The following PSMD14 variants were observed in gnomAD, a reference collection of about 807,000 sequenced individuals.
The protein encoded by PSMD14 is proteasome 26S subunit, non-ATPase 14.
A neutral mutation model predicts 41.2 loss-of-function variants in PSMD14; 7 were observed. The ratio of observed to expected loss-of-function variants is 0.17; its 90% CI spans 0.10 to 0.32. The LOEUF (loss-of-function observed/expected upper bound fraction) is 0.32, where lower values mean the gene tolerates loss of function less well. PSMD14 is among the 10% of genes least tolerant of loss of function. The pLI is 1.00. For missense variants in PSMD14, 139 were observed against 375.6 expected, an observed-to-expected ratio of 0.37 and a Z score of 5.21; for synonymous variants, 114 against 122.3, an observed-to-expected ratio of 0.93 and a Z score of 0.45.
chr2:161,367,071 C>T (rs550406986), intron 3 of PSMD14, among the ~76,000 whole-genome samples: 5 of 152,278 alleles, frequency 3.3e-5, no homozygotes, highest in Admixed American at 2.6e-4. Flanking sequence ...GATGAATTTG[C>T]AGAGGAATCC....
intron 3 of PSMD14, chr2:161,340,872 T>C (rs1000542191): frequency 2.5e-6 from 4 of 1,613,850 alleles, no homozygotes; most frequent in Non-Finnish European, 3.4e-6. Flanking sequence ...CTTCTCGTAC[T>C]GGTTTCCCCT....
rs571819819 is a variant in PSMD14, at chr2:161,335,324, T to C, written c.48+16451T>C. Reference sequence around the variant, plus strand: ...TGGAACTTTCTGTGGGTTGGAAATATATTATATTTAGCTGCCCAGTATGGC... The same window carrying C: ...TGGAACTTTCTGTGGGTTGGAAATACATTATATTTAGCTGCCCAGTATGGC... On this transcript the variant is annotated intron_variant, in intron 3 of 11. Transcript: ENST00000409682. Among the ~76,000 whole-genome samples the C allele has an allele frequency of 2.7e-4, 41 of 151,458 alleles. 1 individual carries two copies. The highest frequency in any genetic ancestry group is 2.4e-5 in the African/African-American group (1 of 41,446).
At chr2:161,364,842 G>A (rs1229344212) in intron 3 of PSMD14, among the ~76,000 whole-genome samples, 2 of 152,056 alleles carry the variant, frequency 1.3e-5, no homozygotes, top group Admixed American at 1.3e-4. Context: ...AGTCGCTCAC[G>A]CCTGTAATGC....
intron 3 of PSMD14, among the ~76,000 whole-genome samples, chr2:161,357,338 CATGA>C (rs1683221947): frequency 2.0e-5 from 3 of 152,102 alleles, no homozygotes; most frequent in Non-Finnish European, 4.4e-5. Flanking sequence ...CTTAGATTTT[CATGA>C]ATGAATAAAG....
intron 3 of PSMD14, among the ~76,000 whole-genome samples, chr2:161,361,613 T>C (rs1683290443): frequency 6.6e-6 from 1 of 151,868 alleles, no homozygotes. Flanking sequence ...ACAATCTCAC[T>C]TATGAGAAAA....
intron 3 of PSMD14, among the ~76,000 whole-genome samples, chr2:161,340,660 G>A (rs1372766620): frequency 6.6e-6 from 1 of 152,090 alleles, no homozygotes; most frequent in Non-Finnish European, 1.5e-5. Flanking sequence ...CAAGGGACAA[G>A]TCCTGATTGA....
chr2:161,347,665 A>G (rs1309539288), intron 3 of PSMD14, among the ~76,000 whole-genome samples: 2 of 152,244 alleles, frequency 1.3e-5, no homozygotes, highest in African/African-American at 4.8e-5. Context: ...GGATACTTAA[A>G]ATTGAATATG....
intron 3 of PSMD14, among the ~76,000 whole-genome samples, chr2:161,332,523 G>T (rs1246651264): frequency 6.6e-6 from 1 of 152,158 alleles, no homozygotes; most frequent in Non-Finnish European, 1.5e-5. Context: ...TTGCCAATTA[G>T]CCATCAAGTG....
At chr2:161,352,379 A>G (rs1013622522) in intron 3 of PSMD14, among the ~76,000 whole-genome samples, 12 of 152,132 alleles carry the variant, frequency 7.9e-5, no homozygotes, top group African/African-American at 2.9e-4. Flanking sequence ...GCTTACATTC[A>G]TTGCTTATTT....
chr2:161,349,775 G>A (rs992392162), intron 3 of PSMD14, among the ~76,000 whole-genome samples: 1 of 152,192 alleles, frequency 6.6e-6, no homozygotes, highest in South Asian at 2.1e-4. Flanking sequence ...TGAGCCAGAC[G>A]AGCAGGGTGG....
At chr2:161,322,686 G>A (rs57090160) in intron 3 of PSMD14, among the ~76,000 whole-genome samples, 10,524 of 151,952 alleles carry the variant, frequency 0.069, 522 homozygotes, top group East Asian at 0.21. Context: ...CATTGCGCCC[G>A]GCCTGGTCAT....
At chr2:161,348,976 C>T (rs1239089015) in intron 3 of PSMD14, among the ~76,000 whole-genome samples, 1 of 152,222 alleles carries the variant, frequency 6.6e-6, no homozygotes, top group Non-Finnish European at 1.5e-5. Flanking sequence ...TTCCTCTCTG[C>T]TGCTCACATA....
intron 6 of PSMD14, 62 bp downstream of exon 6, chr2:161,370,239 A>G (rs1683414095): frequency 8.1e-6 from 10 of 1,231,154 alleles, no homozygotes; most frequent in African/African-American, 3.1e-5. Context: ...ACATACCTCA[A>G]AGTTATAGAT....
intron 3 of PSMD14, among the ~76,000 whole-genome samples, chr2:161,322,682 GC>G (rs1169283514): frequency 6.6e-6 from 1 of 151,428 alleles, no homozygotes; most frequent in Non-Finnish European, 1.5e-5. Context: ...GAACCATTGC[GC>G]CCGGCCTGGT....
chr2:161,405,937 G>A (rs1284957351), intron 10 of PSMD14, among the ~76,000 whole-genome samples: 1 of 152,190 alleles, frequency 6.6e-6, no homozygotes, highest in Non-Finnish European at 1.5e-5. Context: ...AAGGCTAAGG[G>A]AATAGAAGAG....
At chr2:161,310,897 C>T (rs535564782) in intron 1 of PSMD14, among the ~76,000 whole-genome samples, 13 of 152,140 alleles carry the variant, frequency 8.5e-5, no homozygotes, top group Non-Finnish European at 1.5e-4. Context: ...CCACCTGCCC[C>T]GATAGATTAT....
chr2:161,319,770 G>A (rs1195540274), intron 3 of PSMD14, among the ~76,000 whole-genome samples: 1 of 151,952 alleles, frequency 6.6e-6, no homozygotes, highest in Non-Finnish European at 1.5e-5. Flanking sequence ...AGCAGTTTTT[G>A]TTTCAGACTT....
Position 161,408,909 on chromosome 2 carries a change from A to G in PSMD14, c.834+10A>G, listed in dbSNP as rs749536471. On this transcript the variant is annotated intron_variant, in intron 11 of 11. Coordinates refer to ENST00000409682, the MANE Select transcript of PSMD14 (RefSeq NM_005805.6). ...GAATGTTGGCAAGCAGGTGAGGTGT[A>G]CTGTTAATAAGTTATGCAGTTGCAT... 6 of 1,587,738 alleles carry G rather than the reference A, an allele frequency of 3.8e-6. No homozygotes were observed. The highest frequency in any genetic ancestry group is 5.2e-6 in the Non-Finnish European group (6 of 1,158,866).
intron 3 of PSMD14, among the ~76,000 whole-genome samples, chr2:161,345,527 C>T (rs1055784563): frequency 4.6e-5 from 7 of 152,108 alleles, no homozygotes; most frequent in Admixed American, 4.6e-4. Context: ...TCCCAAAGTG[C>T]TGGGATTATA....
Sources: gnomAD v4.1 joint callset for allele counts (sites outside exome capture counted in the v4.1 genomes callset) on GRCh38, gnomAD v4.1.1 for gene constraint, MANE v1.5 for transcripts, NCBI Gene and HGNC (gene_info 2026-07-23, HGNC 2026-07-21) for gene names.